USP3: variants seen among roughly 807,000 people sequenced by gnomAD.
USP3 encodes the protein ubiquitin carboxyl-terminal hydrolase 3.
In USP3, 20 loss-of-function variants were observed where a neutral mutation model predicts 72.3. The ratio of observed to expected loss-of-function variants is 0.28; its 90% CI spans 0.19 to 0.40. The LOEUF is 0.40. Ranked by LOEUF, USP3 falls within the 10% of genes least tolerant of loss-of-function variation. The pLI is 1.00. For synonymous variants in USP3, 222 were observed against 225.3 expected, an observed-to-expected ratio of 0.99 and a Z score of 0.13; for missense variants, 479 against 633.9, an observed-to-expected ratio of 0.76 and a Z score of 2.62.
At chr15:63,584,217 C>T (rs2067016023) in intron 11 of USP3, among the ~76,000 whole-genome samples, 1 of 151,600 alleles carries the variant, frequency 6.6e-6, no homozygotes. Context: ...CCTGCCTCAG[C>T]CTCCCTAGTA....
intron 1 of USP3, among the ~76,000 whole-genome samples, chr15:63,522,346 C>T (rs755761334): frequency 6.6e-6 from 1 of 152,236 alleles, no homozygotes; most frequent in Non-Finnish European, 1.5e-5. Flanking sequence ...ATGATCCCCT[C>T]AGCCTAGAGG....
intron 1 of USP3, among the ~76,000 whole-genome samples, chr15:63,520,169 CTG>C (rs1170021792): frequency 3.3e-5 from 5 of 152,130 alleles, no homozygotes; most frequent in African/African-American, 1.2e-4. Context: ...CTGTTTATGT[CTG>C]TGTGTATTTG....
Position 63,588,075 on chromosome 15 carries a change from A to G in USP3, c.1097-230A>G, listed in dbSNP as rs1338976899. ...AGTAAAACCAACACAATTGATCATC[A>G]CCAGATGTCAGGCATGATGCCAGGT... On this transcript the variant is annotated intron_variant, in intron 11 of 14. Transcript: ENST00000380324. The surrounding 1 kb of genome is among the most constrained non-coding windows in gnomAD (Gnocchi z 4.6). 5.3e-6 allele frequency: 2 copies of G among 378,376 alleles called. No homozygotes were observed. Among genetic ancestry groups the G allele is most frequent in the Non-Finnish European group, 9.5e-6 (2 of 211,536 alleles). 23.4% of individuals were successfully genotyped at this position (378,376 alleles called of 1,614,324 possible). A position where few individuals can be genotyped will look rare whatever the true frequency, so the allele number is the denominator to read the frequency against.
intron 1 of USP3, among the ~76,000 whole-genome samples, chr15:63,519,843 T>C (rs2065894693): frequency 6.6e-6 from 1 of 151,960 alleles, no homozygotes; most frequent in Non-Finnish European, 1.5e-5. Context: ...ATTTGCTTAC[T>C]TATCTTAATA....
At chr15:63,567,962 T>C (rs2066717807) in intron 8 of USP3, among the ~76,000 whole-genome samples, 1 of 152,146 alleles carries the variant, frequency 6.6e-6, no homozygotes, top group African/African-American at 2.4e-5. Context: ...GTGTGCTCTC[T>C]CCCCCAGTGA....
In USP3 at chr15:63,588,991, G is replaced by C. The variant is rs771750104; in HGVS notation, c.1377G>C (p.Val459=). 2 of 1,613,748 alleles carry C rather than the reference G, an allele frequency of 1.2e-6. No individual in the cohort carries two copies. Among genetic ancestry groups the C allele is most frequent in the Non-Finnish European group, 1.7e-6 (2 of 1,180,014 alleles). The change falls in exon 14 of 15, where the codon GTG becomes GTC. Residue 459 remains valine (V), a synonymous_variant. Coordinates refer to ENST00000380324, the MANE Select transcript of USP3 (RefSeq NM_006537.4). This position sits in a 1 kb window ranked among gnomAD's most constrained non-coding sequence, Gnocchi z 4.6. ...PESCLYDLAA[V]VVHHGSGVGS... ...GCTGCCTGTATGACCTCGCCGCTGT[G>C]GTGGTGCACCATGGTTCCGGGTGAG...
intron 1 of USP3, among the ~76,000 whole-genome samples, chr15:63,516,939 C>G (rs2065857982): frequency 6.7e-6 from 1 of 149,434 alleles, no homozygotes; most frequent in Non-Finnish European, 1.5e-5. Context: ...TTTTTTCTTT[C>G]TGGAACTCTT....
chr15:63,559,736 TAC>T (rs1200543654), intron 6 of USP3, 119 bp from the exon 7 acceptor site: 3 of 755,726 alleles, frequency 4.0e-6, no homozygotes, highest in African/African-American at 3.6e-5. Context: ...TTGCACTGAG[TAC>T]AGTTTAAATG....
At chr15:63,584,199 G>T (rs978906288) in intron 11 of USP3, among the ~76,000 whole-genome samples, 4 of 143,528 alleles carry the variant, frequency 2.8e-5, no homozygotes, top group Non-Finnish European at 6.0e-5. Context: ...CCAGGTTCAC[G>T]CCATTCTCCT....
At chr15:63,514,447 A>G (rs1441795706) in intron 1 of USP3, among the ~76,000 whole-genome samples, 1 of 152,190 alleles carries the variant, frequency 6.6e-6, no homozygotes, top group Non-Finnish European at 1.5e-5. Flanking sequence ...CCTCGGGCAG[A>G]GTATACGTAT....
intron 6 of USP3, among the ~76,000 whole-genome samples, chr15:63,559,168 G>A (rs2066562873): frequency 2.0e-5 from 3 of 152,154 alleles, no homozygotes; most frequent in Non-Finnish European, 2.9e-5. Flanking sequence ...TGGAACACTA[G>A]GCATAAATGG....
At chr15:63,511,846 C>G (rs1238990122) in intron 1 of USP3, among the ~76,000 whole-genome samples, 2 of 151,714 alleles carry the variant, frequency 1.3e-5, no homozygotes, top group Non-Finnish European at 2.9e-5. Context: ...TGCTTTTAGT[C>G]AGTATACTTT....
Position 63,570,656 on chromosome 15 carries a change from A to C in USP3, c.908+77A>C. ...GGTGTTAATTATGTGTTAGATTTAT[A>C]ACGGAAGGTAGAGGGGTTTCTTGGA... On this transcript the variant is annotated intron_variant, in intron 9 of 14. Transcript: ENST00000380324. This position sits in a 1 kb window ranked among gnomAD's most constrained non-coding sequence, Gnocchi z 4.4. 2 of 1,531,888 alleles carry C rather than the reference A, an allele frequency of 1.3e-6. No individual in the cohort carries two copies. The highest frequency in any genetic ancestry group is 8.8e-7 in the Non-Finnish European group (1 of 1,142,086). 94.9% of individuals were successfully genotyped at this position (1,531,888 alleles called of 1,614,324 possible). A position where few individuals can be genotyped will look rare whatever the true frequency, so the allele number is the denominator to read the frequency against.
intron 2 of USP3, among the ~76,000 whole-genome samples, chr15:63,535,138 C>T (rs2066137089): frequency 6.6e-6 from 1 of 152,140 alleles, no homozygotes; most frequent in South Asian, 2.1e-4. Flanking sequence ...ACCATGTTGG[C>T]CAGGCAAGTT....
At chr15:63,532,089 T>C (rs1200313237) in intron 1 of USP3, among the ~76,000 whole-genome samples, 3 of 152,210 alleles carry the variant, frequency 2.0e-5, no homozygotes, top group African/African-American at 7.2e-5. Flanking sequence ...ATACATCAAC[T>C]AAAATCATTA....
intron 7 of USP3, among the ~76,000 whole-genome samples, chr15:63,561,749 A>G (rs1184905868): frequency 1.3e-5 from 2 of 152,222 alleles, no homozygotes; most frequent in Non-Finnish European, 2.9e-5. Context: ...ATTCTCCAAC[A>G]TAGGAAGAGG....
In USP3 at chr15:63,594,295, C is replaced by G. The variant is rs1566926079; in HGVS notation, c.*3469C>G. 5.3e-5 allele frequency: 8 copies of G among 152,344 alleles called. No homozygotes were observed. Among genetic ancestry groups the G allele is most frequent in the Admixed American group, 3.3e-4 (5 of 15,304 alleles). The allele number at this position is 152,344 out of a possible 1,614,324, so 9.4% of individuals were successfully genotyped here. ...AAAAGCCGATGGAAAAAGTCTGTTC[C>G]TGCAGCCAAGGCCTGGGTCCCAGGT... On this transcript the variant is annotated 3_prime_UTR_variant, in exon 15 of 15. Coordinates refer to ENST00000380324, the MANE Select transcript of USP3 (RefSeq NM_006537.4).
chr15:63,533,317 T>C (rs932572200), intron 2 of USP3, among the ~76,000 whole-genome samples: 1 of 152,186 alleles, frequency 6.6e-6, no homozygotes, highest in Non-Finnish European at 1.5e-5. Context: ...ATTGTTCCAT[T>C]AAAATACTAC....
At chr15:63,521,016 C>G (rs559126921) in intron 1 of USP3, among the ~76,000 whole-genome samples, 158 of 152,206 alleles carry the variant, frequency 1.0e-3, no homozygotes, top group Non-Finnish European at 1.9e-3. Flanking sequence ...CTACCCACCC[C>G]CTGTAGACAA....
Sources: gnomAD v4.1 joint callset for allele counts (sites outside exome capture counted in the v4.1 genomes callset) on GRCh38, gnomAD v4.1.1 for gene constraint, Gnocchi (gnomAD v3.1) non-coding constraint, MANE v1.5 for transcripts, NCBI Gene and HGNC (gene_info 2026-07-23, HGNC 2026-07-21) for gene names.